The following MTIF2 variants were observed in gnomAD, a reference collection of about 807,000 sequenced individuals.
MTIF2 encodes mitochondrial translational initiation factor 2.
In MTIF2, 71 loss-of-function variants were observed where a neutral mutation model predicts 83.5. That is an observed-to-expected ratio of 0.85 (90% CI 0.70 to 1.04). MTIF2 has a LOEUF of 1.04. Among genes scored for constraint, MTIF2 ranks in the 50% least tolerant of loss-of-function variants. The pLI is 0.00. For missense variants in MTIF2, 957 were observed against 846.5 expected, an observed-to-expected ratio of 1.13 and a Z score of -1.62; for synonymous variants, 319 against 287.1, an observed-to-expected ratio of 1.11 and a Z score of -1.12.
At chr2:55,250,373 T>C (rs1306719244) in intron 8 of MTIF2, among the ~76,000 whole-genome samples, 1 of 151,618 alleles carries the variant, frequency 6.6e-6, no homozygotes, top group Non-Finnish European at 1.5e-5. Flanking sequence ...AGGCCTATCC[T>C]TAAACCTAAA....
At chr2:55,237,043 C>T (rs1465647783) in intron 15 of MTIF2, among the ~76,000 whole-genome samples, 2 of 152,174 alleles carry the variant, frequency 1.3e-5, no homozygotes, top group Non-Finnish European at 2.9e-5. Flanking sequence ...TCTCCTATTT[C>T]AAAGGTAGAC....
rs201530826 is a variant in MTIF2 at position 55,252,670 on chromosome 2, T to C, written c.665-17A>G. The C allele has an allele frequency of 6.3e-7, 1 of 1,597,244 alleles. No individual in the cohort carries two copies. The highest frequency in any genetic ancestry group is 1.3e-5 in the African/African-American group (1 of 74,522). ...GCAGAGAGACTGTGGAAACAGAAAT[T>C]CAAGAACATCAAGGATTCAAACATG... On this transcript the variant is annotated splice_polypyrimidine_tract_variant and intron_variant, in intron 7 of 15. Coordinates refer to ENST00000263629, the MANE Select transcript of MTIF2 (RefSeq NM_002453.3).
At position 55,263,877 on chromosome 2, in the gene MTIF2, A is replaced by G; in HGVS notation, c.-7-12T>C. On this transcript the variant is annotated splice_polypyrimidine_tract_variant and intron_variant, in intron 3 of 15. Transcript: ENST00000263629. Reference sequence around the variant, plus strand: ...GGTTCATGTTTCTCCTGGGGAAAAAAAAAAGGTTTTAAAATAATATTCAAA... The same window carrying G: ...GGTTCATGTTTCTCCTGGGGAAAAAGAAAAGGTTTTAAAATAATATTCAAA... The G allele has an allele frequency of 6.3e-7, 1 of 1,590,470 alleles. No individual in the cohort carries two copies. Among genetic ancestry groups the G allele is most frequent in the Non-Finnish European group, 8.6e-7 (1 of 1,164,560 alleles).
At chr2:55,255,053 TA>T (rs1409138569) in intron 5 of MTIF2, among the ~76,000 whole-genome samples, 1 of 152,082 alleles carries the variant, frequency 6.6e-6, no homozygotes, top group Non-Finnish European at 1.5e-5. Context: ...AATATTTGAA[TA>T]TTTATGTATT....
rs746316570 is a variant in MTIF2 at position 55,246,372 on chromosome 2, T to A, written c.1071A>T (p.Gly357=). ...LKADPNGPVE[G]TVIESFTDKG... ...TGTCTGTGAAAGACTCTATTACTGT[T>A]CCTTCCACTGGACCATTGGGATCTG... Residue 357 remains glycine (G), a synonymous_variant, in exon 10 of 16, where the codon GGA becomes GGT. Coordinates refer to ENST00000263629, the MANE Select transcript of MTIF2 (RefSeq NM_002453.3). 4.3e-6 allele frequency: 7 copies of A among 1,613,982 alleles called. No homozygotes were observed. In the South Asian group the frequency reaches 7.7e-5, roughly 18 times the overall value.
Position 55,254,955 on chromosome 2 carries a change from T to C in MTIF2, c.332-130A>G, listed in dbSNP as rs1050669974. 30 of 471,282 alleles carry C rather than the reference T, an allele frequency of 6.4e-5. No individual in the cohort carries two copies. The Admixed American group carries it at 7.9e-4, about 12-fold the overall frequency. The allele number at this position is 471,282 out of a possible 1,614,324, so 29.2% of individuals were successfully genotyped here. A position where few individuals can be genotyped will look rare whatever the true frequency, so the allele number is the denominator to read the frequency against. ...AACTATGCAAACTGTTTCTCTAATATTAACAAATCACAAGGAAGCTAAAAA... is the reference window on the plus strand; with the variant it reads ...AACTATGCAAACTGTTTCTCTAATACTAACAAATCACAAGGAAGCTAAAAA... On this transcript the variant is annotated intron_variant, in intron 5 of 15. Coordinates refer to ENST00000263629, the MANE Select transcript of MTIF2 (RefSeq NM_002453.3).
intron 8 of MTIF2, among the ~76,000 whole-genome samples, chr2:55,251,479 T>C (rs902907969): frequency 6.6e-6 from 1 of 152,176 alleles, no homozygotes; most frequent in Non-Finnish European, 1.5e-5. Flanking sequence ...TGCTGTAAAA[T>C]GAAAGAACTG....
chr2:55,237,343 CTG>C lies in MTIF2; in HGVS notation c.1954_1955del (p.Gln652ValfsTer8), dbSNP rs775878255. ...PVAGCRVQKG[Q>X]LEKQKKFKLT... ...GTTTAAATTTTTTTTGTTTTTCTAA[CTG>C]TCCCTTTTGGACTCTGCAGCCAGCC... is the stretch of plus-strand genomic sequence containing the variant. On this transcript the variant is annotated frameshift_variant, in exon 15 of 16. Transcript: ENST00000263629. LOFTEE classifies it high-confidence loss of function. 3.1e-6 allele frequency: 5 copies of C among 1,613,040 alleles called. No homozygotes were observed. Among genetic ancestry groups the C allele is most frequent in the Admixed American group, 1.7e-5 (1 of 59,966 alleles).
chr2:55,264,834 G>A (rs1678308586), intron 3 of MTIF2, among the ~76,000 whole-genome samples: 1 of 152,126 alleles, frequency 6.6e-6, no homozygotes, highest in Non-Finnish European at 1.5e-5. Flanking sequence ...GAACTCATTA[G>A]TAATATAGTT....
intron 7 of MTIF2, among the ~76,000 whole-genome samples, chr2:55,253,137 G>A (rs7595311): frequency 0.071 from 10,779 of 152,032 alleles, 440 homozygotes; most frequent in Middle Eastern, 0.11. Flanking sequence ...AAGAAGTATC[G>A]GCTTCCTTAT....
intron 14 of MTIF2, among the ~76,000 whole-genome samples, chr2:55,238,591 A>C (rs971321493): frequency 5.3e-5 from 8 of 151,908 alleles, no homozygotes; most frequent in African/African-American, 1.7e-4. Context: ...GGGTTTCACC[A>C]TGTTGGTCAG....
chr2:55,252,929 T>C (rs1358228379), intron 7 of MTIF2, among the ~76,000 whole-genome samples: 3 of 152,174 alleles, frequency 2.0e-5, no homozygotes, highest in Non-Finnish European at 4.4e-5. Flanking sequence ...AACTGATATA[T>C]CTATTTTAGA....
chr2:55,239,263 A>G (rs1676122056), intron 14 of MTIF2, among the ~76,000 whole-genome samples: 1 of 150,424 alleles, frequency 6.6e-6, no homozygotes, highest in African/African-American at 2.5e-5. Context: ...GTTTTATAAG[A>G]TAGTATCCTT....
At chr2:55,261,993 A>G (rs1453828037) in intron 5 of MTIF2, among the ~76,000 whole-genome samples, 1 of 151,866 alleles carries the variant, frequency 6.6e-6, no homozygotes, top group Non-Finnish European at 1.5e-5. Flanking sequence ...ACAAAAAGAG[A>G]AAGTATATAA....
chr2:55,241,308 C>T (rs1330747035), intron 13 of MTIF2, among the ~76,000 whole-genome samples: 1 of 151,490 alleles, frequency 6.6e-6, no homozygotes, highest in Non-Finnish European at 1.5e-5. Flanking sequence ...ATCCCAGCTA[C>T]TCAGGAAACT....
Position 55,236,768 on chromosome 2 carries a change from C to T in MTIF2, c.2064G>A (p.Thr688=), listed in dbSNP as rs138084091. 4.7e-5 allele frequency: 76 copies of T among 1,609,960 alleles called. 1 individual carries two copies. Among genetic ancestry groups the T allele is most frequent in the South Asian group, 1.7e-4 (15 of 90,028 alleles). ...CTAAACTGAGACCACAATCCATTCCCGTTTTGACAATTGAAATGTCATCTT... is the reference window on the plus strand; with the variant it reads ...CTAAACTGAGACCACAATCCATTCCTGTTTTGACAATTGAAATGTCATCTT... ...HHKDDISIVK[T]GMDCGLSLDE... Residue 688 remains threonine, a synonymous_variant, in exon 16 of 16, where the codon ACG becomes ACA. Transcript: ENST00000263629.
chr2:55,237,495 ATTCT>A lies in MTIF2; in HGVS notation c.1871-71_1871-68del, dbSNP rs1675938901. 4.1e-6 allele frequency: 6 copies of A among 1,466,916 alleles called. No individual in the cohort carries two copies. In the Admixed American group the frequency reaches 1.2e-4, roughly 28 times the overall value. The allele number at this position is 1,466,916 out of a possible 1,614,324, so 90.9% of individuals were successfully genotyped here. Reference sequence around the variant, plus strand: ...TTCTGATAAATACGTAATTTCTGACATTCTGTGGTATAAGAATTAAAGGTATGAC... The same window carrying A: ...TTCTGATAAATACGTAATTTCTGACAGTGGTATAAGAATTAAAGGTATGAC... On this transcript the variant is annotated intron_variant, in intron 14 of 15. Transcript: ENST00000263629.
chr2:55,251,663 GC>G (rs1677102921), intron 8 of MTIF2, among the ~76,000 whole-genome samples: 1 of 152,086 alleles, frequency 6.6e-6, no homozygotes. Flanking sequence ...CGCTTTTGTT[GC>G]CCAGGCTGGA....
At chr2:55,247,417 G>C (rs1189374753) in intron 9 of MTIF2, among the ~76,000 whole-genome samples, 1 of 152,118 alleles carries the variant, frequency 6.6e-6, no homozygotes, top group Non-Finnish European at 1.5e-5. Context: ...GTCAGGTGTG[G>C]TGGCACGTGC....
Sources: gnomAD v4.1 joint callset for allele counts (sites outside exome capture counted in the v4.1 genomes callset) on GRCh38, gnomAD v4.1.1 for gene constraint, MANE v1.5 for transcripts, NCBI Gene and HGNC (gene_info 2026-07-23, HGNC 2026-07-21) for gene names.